HEG1: variants seen among roughly 807,000 people sequenced by gnomAD.
HEG1 encodes heart development protein with EGF like domains 1, also known as protein HEG homolog 1.
Under a neutral mutation model 125.6 loss-of-function variants are expected in HEG1, and 56 were observed. That is an observed-to-expected ratio of 0.45 (90% confidence interval 0.36 to 0.56). The LOEUF (loss-of-function observed/expected upper bound fraction) is 0.56, where lower values mean the gene tolerates loss of function less well. Among genes scored for constraint, HEG1 ranks in the 20% least tolerant of loss-of-function variants. HEG1 has a pLI of 0.00. For missense variants in HEG1, 1,523 were observed against 1,670.0 expected (o/e 0.91, Z 1.53); for synonymous variants, 644 against 668.5 (o/e 0.96, Z 0.57).
intron 12 of HEG1, among the ~76,000 whole-genome samples, chr3:124,992,727 G>A (rs1181855745): frequency 7.2e-5 from 11 of 152,236 alleles, no homozygotes; most frequent in Non-Finnish European, 7.3e-5. Flanking sequence ...AATGCCTCTG[G>A]CATGTGCTTT....
intron 1 of HEG1, among the ~76,000 whole-genome samples, chr3:125,047,904 T>C (rs1937701862): frequency 6.6e-6 from 1 of 152,212 alleles, no homozygotes; most frequent in African/African-American, 2.4e-5. Flanking sequence ...CCTCTTCTTG[T>C]CACTTTTCTT....
At position 124,967,182 on chromosome 3, in the gene HEG1, T is replaced by C. The variant is rs1052710844; in HGVS notation, c.*3470A>G. The C allele has an allele frequency of 6.6e-6, 1 of 152,238 alleles. No individual in the cohort carries two copies. Among genetic ancestry groups the C allele is most frequent in the Non-Finnish European group, 1.5e-5 (1 of 68,048 alleles). 9.4% of individuals were successfully genotyped at this position (152,238 alleles called of 1,614,324 possible). A position where few individuals can be genotyped will look rare whatever the true frequency, so the allele number is the denominator to read the frequency against. On this transcript the variant is annotated 3_prime_UTR_variant, in exon 17 of 17. Coordinates refer to ENST00000311127, the MANE Select transcript of HEG1 (RefSeq NM_020733.2). ...CGTTTAAGACATTCCACTGAATATG[T>C]TCCCAATTCTGAAAACAGTTCACAA...
In HEG1 at chr3:124,973,724, T is replaced by C; in HGVS notation, c.3996+7A>G. 6.2e-7 allele frequency: 1 copy of C among 1,606,488 alleles called. No individual in the cohort carries two copies. The highest frequency in any genetic ancestry group is 8.5e-7 in the Non-Finnish European group (1 of 1,176,514). On this transcript the variant is annotated splice_region_variant and intron_variant, in intron 16 of 16. Coordinates refer to ENST00000311127, the MANE Select transcript of HEG1 (RefSeq NM_020733.2). ...CCCTGGGGTCATCCTGACACAGGAA[T>C]ACACACCGAGTAGTACACATCCGTC... is the stretch of plus-strand genomic sequence containing the variant.
rs1937193437 is a variant in HEG1 at position 125,013,575 on chromosome 3, A to AGAGGAGGAGGAAGAG, written c.2003_2004insCTCTTCCTCCTCCTC (p.Ser668_Ser672dup). The stretch of plus-strand genomic sequence containing the variant: ...GCAAAGGAGGCCCTGAAGAAGAAGA[A>AGAGGAGGAGGAAGAG]GAGGAGGAGGAGGAAGAGGAGGAGG... On this transcript the variant is annotated inframe_insertion, in exon 6 of 17. Coordinates refer to ENST00000311127, the MANE Select transcript of HEG1 (RefSeq NM_020733.2). 1.3e-6 allele frequency: 2 copies of AGAGGAGGAGGAAGAG among 1,577,718 alleles called. No individual in the cohort carries two copies. Among genetic ancestry groups the AGAGGAGGAGGAAGAG allele is most frequent in the African/African-American group, 1.4e-5 (1 of 72,902 alleles).
chr3:125,053,768 C>T (rs756235055), intron 1 of HEG1, among the ~76,000 whole-genome samples: 4 of 152,224 alleles, frequency 2.6e-5, no homozygotes, highest in Non-Finnish European at 4.4e-5. Context: ...CCTGCCACAC[C>T]TGTGAGGGAT....
chr3:125,055,460 GC>G lies in HEG1; in HGVS notation c.316+114del, dbSNP rs1169178657. On this transcript the variant is annotated intron_variant, in intron 1 of 16. Transcript: ENST00000311127. ...GGGTCCCGCACACGCCGGGCGAGGA[GC>G]CCCCACCCTGGGTCGCGCCGCGCGG... 9.1e-6 allele frequency: 6 copies of G among 662,020 alleles called. No homozygotes were observed. The East Asian group carries it at 1.5e-4, about 16-fold the overall frequency. The allele number at this position is 662,020 out of a possible 1,614,324, so 41.0% of individuals were successfully genotyped here.
At chr3:124,990,362 G>T (rs1453341361) in intron 14 of HEG1, among the ~76,000 whole-genome samples, 1 of 147,862 alleles carries the variant, frequency 6.8e-6, no homozygotes, top group Non-Finnish European at 1.5e-5. Context: ...TTTTTAAAAC[G>T]AAGTGTCGCT....
At chr3:124,998,146 A>G (rs1936950608) in intron 11 of HEG1, among the ~76,000 whole-genome samples, 1 of 152,132 alleles carries the variant, frequency 6.6e-6, no homozygotes, top group African/African-American at 2.4e-5. Flanking sequence ...CACTGCAAAT[A>G]CAGCCCTTAA....
Position 124,994,674 on chromosome 3 carries a change from T to G in HEG1, c.3652+3015A>C, listed in dbSNP as rs551645101. 3.3e-5 allele frequency among the ~76,000 whole-genome samples: 5 copies of G among 152,074 alleles called. No homozygotes were observed. The East Asian group carries it at 7.7e-4, about 24-fold the overall frequency. On this transcript the variant is annotated intron_variant, in intron 12 of 16. Coordinates refer to ENST00000311127, the MANE Select transcript of HEG1 (RefSeq NM_020733.2). ...GCATGCACCACCACGCCCAGCTAAT[T>G]TTTGTATTTTTAGTACAGACAGGGT...
At position 124,973,913 on chromosome 3, in the gene HEG1, A is replaced by G; in HGVS notation, c.3822-8T>C. ...ATGTCATTTTTATTCTTTCTGTGGGATACAAAAATATTTGTAAAGCTCAAT... is the reference window on the plus strand; with the variant it reads ...ATGTCATTTTTATTCTTTCTGTGGGGTACAAAAATATTTGTAAAGCTCAAT... On this transcript the variant is annotated splice_polypyrimidine_tract_variant and splice_region_variant and intron_variant, in intron 15 of 16. Coordinates refer to ENST00000311127, the MANE Select transcript of HEG1 (RefSeq NM_020733.2). The G allele has an allele frequency of 6.3e-7, 1 of 1,594,772 alleles. No homozygotes were observed. The highest frequency in any genetic ancestry group is 8.6e-7 in the Non-Finnish European group (1 of 1,165,132).
At chr3:125,034,642 T>A (rs1282936086) in intron 1 of HEG1, among the ~76,000 whole-genome samples, 1 of 151,626 alleles carries the variant, frequency 6.6e-6, no homozygotes, top group Non-Finnish European at 1.5e-5. Flanking sequence ...TACAAAAAAA[T>A]AAACAAAATT....
intron 14 of HEG1, among the ~76,000 whole-genome samples, chr3:124,981,913 T>A (rs1448693328): frequency 3.1e-5 from 2 of 64,510 alleles, no homozygotes; most frequent in Non-Finnish European, 5.6e-5. Flanking sequence ...CACATACATA[T>A]TTTTTTTTTT....
chr3:125,004,091 G>A (rs1011958189), intron 9 of HEG1, among the ~76,000 whole-genome samples: 2 of 152,056 alleles, frequency 1.3e-5, no homozygotes, highest in African/African-American at 4.8e-5. Flanking sequence ...GACCTCCCGG[G>A]GTTCTATCTG....
At chr3:125,044,178 G>A (rs967537525) in intron 1 of HEG1, among the ~76,000 whole-genome samples, 3 of 152,216 alleles carry the variant, frequency 2.0e-5, no homozygotes, top group African/African-American at 7.2e-5. Context: ...CAGGGCCTCC[G>A]AGGGGAGAAG....
intron 7 of HEG1, 50 bp downstream of exon 7, chr3:125,010,389 C>A: frequency 8.6e-7 from 1 of 1,164,176 alleles, no homozygotes; most frequent in Non-Finnish European, 1.2e-6. Flanking sequence ...TATTGGGTAG[C>A]CCAACGTGGT....
intron 5 of HEG1, among the ~76,000 whole-genome samples, chr3:125,015,367 C>T (rs1356690677): frequency 6.6e-6 from 1 of 152,190 alleles, no homozygotes; most frequent in African/African-American, 2.4e-5. Context: ...AATAATCCTA[C>T]TGGGGCTTCA....
At chr3:125,007,277 C>T (rs1039422400) in intron 8 of HEG1, among the ~76,000 whole-genome samples, 9 of 149,336 alleles carry the variant, frequency 6.0e-5, no homozygotes, top group South Asian at 2.1e-4. Context: ...GGACAGTAAA[C>T]GTGGCATCTG....
intron 14 of HEG1, among the ~76,000 whole-genome samples, chr3:124,983,664 T>G (rs1012020007): frequency 5.9e-5 from 9 of 152,026 alleles, no homozygotes; most frequent in Admixed American, 5.2e-4. Flanking sequence ...TTTCCATTCC[T>G]CCTCCATCTC....
intron 14 of HEG1, among the ~76,000 whole-genome samples, chr3:124,983,338 T>C (rs6776522): frequency 0.33 from 50,310 of 151,784 alleles, 8,816 homozygotes; most frequent in East Asian, 0.48. Flanking sequence ...TGCCTTTTAT[T>C]TTTTAATCTT....
Sources: gnomAD v4.1 joint callset for allele counts (sites outside exome capture counted in the v4.1 genomes callset) on GRCh38, gnomAD v4.1.1 for gene constraint, MANE v1.5 for transcripts, NCBI Gene and HGNC (gene_info 2026-07-23, HGNC 2026-07-21) for gene names.